Variants in RBFOX1 observed in about 807,000 individuals in gnomAD.
RBFOX1 encodes the protein RNA binding protein fox-1 homolog 1.
RBFOX1 carries 8 observed loss-of-function variants against 57.7 expected under a neutral mutation model. The ratio of observed to expected loss-of-function variants is 0.14; its 90% CI spans 0.08 to 0.25. RBFOX1 has a LOEUF of 0.25. Among genes scored for constraint, RBFOX1 ranks in the 10% least tolerant of loss-of-function variants. The probability of loss-of-function intolerance (pLI) is 1.00; values close to 1 mark genes in which losing one functional copy is unlikely to be tolerated. For synonymous variants in RBFOX1, 326 were observed against 222.4 expected, an observed-to-expected ratio of 1.47 and a Z score of -4.15; for missense variants, 611 against 548.5, an observed-to-expected ratio of 1.11 and a Z score of -1.14.
chr16:6,234,796 A>G lies in RBFOX1; in HGVS notation c.-126-82199A>G, dbSNP rs572448436. ...ATCTATACATACACATGAACCACAC[A>G]TACGCATGAACTACACACAGACACA... is the stretch of plus-strand genomic sequence containing the variant. On this transcript the variant is annotated intron_variant, in intron 1 of 15. Coordinates refer to ENST00000550418, the MANE Select transcript of RBFOX1 (RefSeq NM_018723.4). 2.0e-5 allele frequency among the ~76,000 whole-genome samples: 3 copies of G among 151,222 alleles called. No homozygotes were observed. In the South Asian group the frequency reaches 6.2e-4, roughly 31 times the overall value.
At chr16:6,906,936 C>T (rs1026088022) in intron 3 of RBFOX1, among the ~76,000 whole-genome samples, 3 of 152,110 alleles carry the variant, frequency 2.0e-5, no homozygotes, top group African/African-American at 7.2e-5. Context: ...GTTGGCCAGG[C>T]TGGTCTTGAA....
At chr16:5,444,189 C>G (rs1205649253) in intron 1 of RBFOX1, among the ~76,000 whole-genome samples, 3 of 152,270 alleles carry the variant, frequency 2.0e-5, no homozygotes, top group South Asian at 4.2e-4. Flanking sequence ...CATAGGTGGT[C>G]TGATCAATGC....
At chr16:5,352,551 A>G (rs2065285479) in intron 1 of RBFOX1, among the ~76,000 whole-genome samples, 1 of 152,126 alleles carries the variant, frequency 6.6e-6, no homozygotes, top group South Asian at 2.1e-4. Context: ...CAGACATTAC[A>G]TTTCACCCTG....
intron 3 of RBFOX1, among the ~76,000 whole-genome samples, chr16:5,616,550 CCCT>C (rs976040760): frequency 5.3e-5 from 8 of 151,088 alleles, no homozygotes; most frequent in African/African-American, 7.3e-5. Flanking sequence ...CCTTTCCTCT[CCCT>C]CCTCCTCCTC....
At chr16:5,795,034 G>T (rs74545266) in intron 3 of RBFOX1, among the ~76,000 whole-genome samples, 4 of 152,162 alleles carry the variant, frequency 2.6e-5, no homozygotes, top group Admixed American at 6.5e-5. Context: ...CTTCTCCCCA[G>T]TTGTATGACT....
chr16:6,306,312 C>T (rs1016715762), intron 1 of RBFOX1, among the ~76,000 whole-genome samples: 2 of 152,118 alleles, frequency 1.3e-5, no homozygotes, highest in African/African-American at 4.8e-5. Context: ...GGATGGAAAC[C>T]ACACAGGGGA....
At chr16:7,403,281 T>A (rs2098275178) in intron 4 of RBFOX1, among the ~76,000 whole-genome samples, 1 of 152,108 alleles carries the variant, frequency 6.6e-6, no homozygotes, top group Non-Finnish European at 1.5e-5. Flanking sequence ...AAGTATACAA[T>A]ACAGTATCAT....
At chr16:6,653,368 C>G (rs906272625) in intron 2 of RBFOX1, among the ~76,000 whole-genome samples, 3 of 152,182 alleles carry the variant, frequency 2.0e-5, no homozygotes, top group Admixed American at 6.5e-5. Flanking sequence ...CATGTGTCTT[C>G]TACATTGTTG....
chr16:5,455,025 C>CTTTCTTTCTTTCCT (rs1178366526), intron 1 of RBFOX1, among the ~76,000 whole-genome samples: 2 of 79,444 alleles, frequency 2.5e-5, no homozygotes, highest in Non-Finnish European at 4.9e-5. Context: ...CTTTCTTTCT[C>CTTTCTTTCTTTCCT]TCTCTCTGTC....
At chr16:7,618,234 CAATTAT>C (rs998950590) in intron 10 of RBFOX1, among the ~76,000 whole-genome samples, 3 of 152,080 alleles carry the variant, frequency 2.0e-5, no homozygotes, top group African/African-American at 4.8e-5. Flanking sequence ...TTAAAAATAA[CAATTAT>C]AATTAAAAAT....
At chr16:6,683,841 A>C (rs1382376218) in intron 3 of RBFOX1, among the ~76,000 whole-genome samples, 2 of 152,168 alleles carry the variant, frequency 1.3e-5, no homozygotes, top group Non-Finnish European at 2.9e-5. Context: ...GGGTTTTGTA[A>C]CTTTGAAGCC....
In RBFOX1 at chr16:7,269,850, G is replaced by C. The variant is rs530265463; in HGVS notation, c.27+217752G>C. Among the ~76,000 whole-genome samples the C allele has an allele frequency of 3.9e-5, 6 of 152,246 alleles. No individual in the cohort carries two copies. The South Asian group carries it at 1.0e-3, about 26-fold the overall frequency. ...TAGATTTTATGTTGCTTTTTGAACTGGTTGTGCCCCTGCACATCCCATAAC... is the reference window on the plus strand; with the variant it reads ...TAGATTTTATGTTGCTTTTTGAACTCGTTGTGCCCCTGCACATCCCATAAC... On this transcript the variant is annotated intron_variant, in intron 4 of 15. Transcript: ENST00000550418.
At chr16:6,198,773 A>G (rs1009182449) in intron 1 of RBFOX1, among the ~76,000 whole-genome samples, 3 of 152,150 alleles carry the variant, frequency 2.0e-5, no homozygotes, top group Non-Finnish European at 4.4e-5. Flanking sequence ...TCTAGTATTA[A>G]TATAGCCTGG....
At chr16:6,062,480 T>C (rs1221245728) in intron 1 of RBFOX1, among the ~76,000 whole-genome samples, 1 of 151,860 alleles carries the variant, frequency 6.6e-6, no homozygotes, top group Non-Finnish European at 1.5e-5. Context: ...GAAGCTGTGC[T>C]CCAAGAACCA....
At chr16:5,571,083 A>T (rs755379808) in intron 2 of RBFOX1, among the ~76,000 whole-genome samples, 31 of 152,090 alleles carry the variant, frequency 2.0e-4, no homozygotes, top group Non-Finnish European at 4.4e-4. Flanking sequence ...ATGTCTGTTC[A>T]CTGAAGATCC....
intron 2 of RBFOX1, among the ~76,000 whole-genome samples, chr16:6,580,727 C>T (rs547608366): frequency 3.3e-5 from 5 of 152,224 alleles, no homozygotes; most frequent in South Asian, 2.1e-4. Flanking sequence ...ATGAGACCAG[C>T]TGAGGCTCAG....
chr16:5,960,455 G>A (rs1028237974), intron 4 of RBFOX1, among the ~76,000 whole-genome samples: 6 of 152,010 alleles, frequency 3.9e-5, no homozygotes, highest in African/African-American at 9.7e-5. Flanking sequence ...AAAGTATTAC[G>A]TGAAAACAGC....
At position 5,388,913 on chromosome 16, in the gene RBFOX1, C is replaced by T. The variant is rs182426479; in HGVS notation, c.220-78303C>T. ...TTTCTTAAAAATAAAGGTAAGGGGC[C>T]GGGCGCGGTGGCTCACACCTGTAAT... On this transcript the variant is annotated intron_variant, in intron 1 of 2. Coordinates refer to the RBFOX1 transcript ENST00000585867. 1.4e-3 allele frequency among the ~76,000 whole-genome samples: 203 copies of T among 148,852 alleles called. 1 individual carries two copies. Among genetic ancestry groups the T allele is most frequent in the Middle Eastern group, 3.5e-3 (1 of 288 alleles).
intron 11 of RBFOX1, among the ~76,000 whole-genome samples, chr16:7,633,343 T>G (rs1361912223): frequency 6.6e-6 from 1 of 152,258 alleles, no homozygotes; most frequent in African/African-American, 2.4e-5. Flanking sequence ...TGAAATTGTA[T>G]AATGTGCATC....
Sources: gnomAD v4.1 joint callset for allele counts (sites outside exome capture counted in the v4.1 genomes callset) on GRCh38, gnomAD v4.1.1 for gene constraint, MANE v1.5 for transcripts, NCBI Gene and HGNC (gene_info 2026-07-23, HGNC 2026-07-21) for gene names.